TRAF3: variants seen among roughly 807,000 people sequenced by gnomAD.
TRAF3 encodes TNF receptor-associated factor 3.
TRAF3 carries 13 observed loss-of-function variants against 62.3 expected under a neutral mutation model. The ratio of observed to expected loss-of-function variants is 0.21; its 90% CI spans 0.14 to 0.33. The LOEUF is 0.33. Ranked by LOEUF, TRAF3 falls within the 10% of genes least tolerant of loss-of-function variation. The pLI is 1.00. For synonymous variants in TRAF3, 269 were observed against 283.4 expected, an observed-to-expected ratio of 0.95 and a Z score of 0.51; for missense variants, 440 against 741.8, an observed-to-expected ratio of 0.59 and a Z score of 4.73.
At chr14:102,887,990 C>T (rs955143591) in intron 7 of TRAF3, among the ~76,000 whole-genome samples, 1 of 152,080 alleles carries the variant, frequency 6.6e-6, no homozygotes, top group Admixed American at 6.6e-5. Flanking sequence ...GCCCCTATTC[C>T]AGAGATCCTG....
chr14:102,881,519 A>G (rs976338124), intron 6 of TRAF3, among the ~76,000 whole-genome samples: 1 of 152,152 alleles, frequency 6.6e-6, no homozygotes, highest in African/African-American at 2.4e-5. Context: ...GTTCTCACTT[A>G]TAAGAGAGAG....
rs187978129 is a variant in TRAF3, at chr14:102,792,223, C to G, written c.-157+14548C>G. ...CACTGCAGTCTTGAACTCCCAGGCT[C>G]AAGCAGTGCTCCTTCTTTAGCCTCC... On this transcript the variant is annotated intron_variant, in intron 1 of 11. Coordinates refer to ENST00000392745, the MANE Select transcript of TRAF3 (RefSeq NM_145725.3). Among the ~76,000 whole-genome samples, 723 of 146,876 alleles carry G rather than the reference C, an allele frequency of 4.9e-3. 22 individuals carry two copies. Among genetic ancestry groups the G allele is most frequent in the Admixed American group, 0.047 (677 of 14,332 alleles).
intron 1 of TRAF3, among the ~76,000 whole-genome samples, chr14:102,824,232 C>G (rs1315017158): frequency 1.3e-5 from 2 of 152,152 alleles, no homozygotes; most frequent in Non-Finnish European, 2.9e-5. Flanking sequence ...TTGTTGCTGA[C>G]CTAGCGACTT....
intron 4 of TRAF3, among the ~76,000 whole-genome samples, chr14:102,873,762 C>CCT (rs1888480384): frequency 6.7e-6 from 1 of 149,574 alleles, no homozygotes; most frequent in African/African-American, 2.5e-5. Flanking sequence ...TCATGACCTT[C>CCT]TTTTTTTTTT....
intron 10 of TRAF3, among the ~76,000 whole-genome samples, chr14:102,901,373 T>A (rs2139994226): frequency 6.6e-6 from 1 of 152,294 alleles, no homozygotes; most frequent in South Asian, 2.1e-4. Flanking sequence ...ACAAAGGGCG[T>A]CTCTCAGACC....
chr14:102,786,055 C>T (rs1051103679), intron 1 of TRAF3, among the ~76,000 whole-genome samples: 1 of 152,192 alleles, frequency 6.6e-6, no homozygotes, highest in African/African-American at 2.4e-5. Flanking sequence ...TCTATTTCTG[C>T]AGTCTGGTCT....
chr14:102,889,369 G>A (rs998804888), intron 7 of TRAF3, among the ~76,000 whole-genome samples, 191 bp from the exon 8 acceptor site: 2 of 152,184 alleles, frequency 1.3e-5, no homozygotes, highest in African/African-American at 4.8e-5. Context: ...GTATATTGGC[G>A]TATATGTGTA....
chr14:102,800,932 A>T (rs903568011), intron 1 of TRAF3, among the ~76,000 whole-genome samples: 6 of 151,836 alleles, frequency 4.0e-5, no homozygotes, highest in Admixed American at 3.3e-4. Flanking sequence ...TAATCCCAGC[A>T]CTTTGGGAGG....
chr14:102,844,695 G>A (rs1320887296), intron 2 of TRAF3, among the ~76,000 whole-genome samples: 2 of 152,160 alleles, frequency 1.3e-5, no homozygotes, highest in Non-Finnish European at 2.9e-5. Flanking sequence ...ATTGCCAGAT[G>A]TAAAATTTCA....
intron 2 of TRAF3, among the ~76,000 whole-genome samples, chr14:102,863,513 GC>G (rs1235025173): frequency 6.6e-6 from 1 of 152,172 alleles, no homozygotes; most frequent in Non-Finnish European, 1.5e-5. Context: ...TGATCCCTGA[GC>G]ATTCGCTGCC....
At chr14:102,843,221 A>G (rs1886486069) in intron 2 of TRAF3, among the ~76,000 whole-genome samples, 1 of 152,006 alleles carries the variant, frequency 6.6e-6, no homozygotes, top group Non-Finnish European at 1.5e-5. Context: ...AAACCCAAAA[A>G]CAAAAATAAA....
chr14:102,900,006 C>T (rs570603490), intron 10 of TRAF3, among the ~76,000 whole-genome samples: 45 of 150,910 alleles, frequency 3.0e-4, no homozygotes, highest in Admixed American at 9.9e-4. Context: ...GGTGAAACCC[C>T]GTCTCTACTA....
intron 6 of TRAF3, among the ~76,000 whole-genome samples, chr14:102,880,982 A>G (rs554598992): frequency 1.3e-5 from 2 of 152,264 alleles, no homozygotes; most frequent in African/African-American, 2.4e-5. Context: ...AATCCCAGCT[A>G]CCTGGGAGGC....
intron 2 of TRAF3, among the ~76,000 whole-genome samples, chr14:102,847,639 T>A (rs1415797257): frequency 6.6e-6 from 1 of 152,212 alleles, no homozygotes; most frequent in East Asian, 1.9e-4. Context: ...CAAGCTTCCA[T>A]ATATCTCCTT....
chr14:102,874,846 A>G (rs1038627995), intron 4 of TRAF3, among the ~76,000 whole-genome samples: 6 of 151,500 alleles, frequency 4.0e-5, no homozygotes, highest in African/African-American at 1.5e-4. Context: ...TTGTAGAGAT[A>G]GGGTCTCATT....
chr14:102,786,727 A>G (rs989335314), intron 1 of TRAF3, among the ~76,000 whole-genome samples: 3 of 152,244 alleles, frequency 2.0e-5, no homozygotes, highest in East Asian at 3.9e-4. Context: ...GCTCATACCT[A>G]TAGTCCCAGC....
chr14:102,859,646 C>T (rs1820353111), intron 2 of TRAF3, among the ~76,000 whole-genome samples: 1 of 152,206 alleles, frequency 6.6e-6, no homozygotes, highest in South Asian at 2.1e-4. Flanking sequence ...CAGCTTAAGT[C>T]ACACGAATTA....
At chr14:102,810,561 G>C (rs934512115) in intron 1 of TRAF3, 1 of 152,168 alleles carries the variant, frequency 6.6e-6, no homozygotes, top group Non-Finnish European at 1.5e-5. Flanking sequence ...CAAGACACTG[G>C]CTCTGTGGTA....
chr14:102,894,029 A>G (rs2139958435), intron 9 of TRAF3, among the ~76,000 whole-genome samples: 2 of 152,310 alleles, frequency 1.3e-5, no homozygotes, highest in Middle Eastern at 3.4e-3. Context: ...GAGCGGGTTC[A>G]CAAAGACTGA....
Sources: gnomAD v4.1 joint callset for allele counts (sites outside exome capture counted in the v4.1 genomes callset) on GRCh38, gnomAD v4.1.1 for gene constraint, MANE v1.5 for transcripts, NCBI Gene and HGNC (gene_info 2026-07-23, HGNC 2026-07-21) for gene names.